Variants in CAB39 observed in about 807,000 individuals in gnomAD.
CAB39 encodes the protein calcium-binding protein 39.
CAB39 carries 8 observed loss-of-function variants against 40.0 expected under a neutral mutation model. The observed-to-expected ratio is 0.20, with a 90% CI of 0.12 to 0.36. The LOEUF is 0.36. Ranked by LOEUF, CAB39 falls within the 10% of genes least tolerant of loss-of-function variation. The pLI is 1.00. For synonymous variants in CAB39, 156 were observed against 141.6 expected (o/e 1.10, Z -0.72); for missense variants, 270 against 401.1 (o/e 0.67, Z 2.79).
chr2:230,742,811 C>T (rs1694905945), intron 1 of CAB39, among the ~76,000 whole-genome samples: 3 of 152,094 alleles, frequency 2.0e-5, no homozygotes, highest in Non-Finnish European at 4.4e-5. Flanking sequence ...TCTGGCAAAT[C>T]GGAAAGGTTA....
intron 2 of CAB39, among the ~76,000 whole-genome samples, chr2:230,762,178 G>C (rs569194154): frequency 6.6e-6 from 1 of 152,220 alleles, no homozygotes; most frequent in South Asian, 2.1e-4. Context: ...AAAGTGCTGG[G>C]ATTACAGGTG....
At chr2:230,761,422 T>A (rs1695288727) in intron 2 of CAB39, among the ~76,000 whole-genome samples, 1 of 151,978 alleles carries the variant, frequency 6.6e-6, no homozygotes. Context: ...CAGGCTGGAG[T>A]GTGATGGTAC....
In CAB39 at chr2:230,718,996, A is replaced by G. The variant is rs942837997; in HGVS notation, c.-44+5766A>G. 2.0e-5 allele frequency among the ~76,000 whole-genome samples: 3 copies of G among 152,180 alleles called. No homozygotes were observed. In the East Asian group the frequency reaches 5.8e-4, roughly 29 times the overall value. The stretch of plus-strand genomic sequence containing the variant: ...TTTGGACCTTTTCACTAACATTTAC[A>G]AAGGTTGTATTCAAAATATATTAAA... On this transcript the variant is annotated intron_variant, in intron 1 of 8. Transcript: ENST00000258418.
chr2:230,753,008 A>G (rs748640997), intron 1 of CAB39, among the ~76,000 whole-genome samples: 1 of 152,174 alleles, frequency 6.6e-6, no homozygotes, highest in African/African-American at 2.4e-5. Context: ...GAAACCATAG[A>G]TGAGATCACC....
At chr2:230,729,743 G>GAA (rs74770314) in intron 1 of CAB39, among the ~76,000 whole-genome samples, 7 of 126,188 alleles carry the variant, frequency 5.5e-5, no homozygotes, top group Admixed American at 7.9e-5. Context: ...CTGTCTTAAG[G>GAA]AAAAAAAAAA....
At chr2:230,754,379 CTCTTCCCCT>C (rs1167165643) in intron 1 of CAB39, among the ~76,000 whole-genome samples, 10 of 141,402 alleles carry the variant, frequency 7.1e-5, no homozygotes, top group South Asian at 2.2e-4. Flanking sequence ...TTCTGCCTTC[CTCTTCCCCT>C]CCTTCTTCCC....
At chr2:230,810,747 T>TACTGCTCA (rs1233510987) in intron 6 of CAB39, among the ~76,000 whole-genome samples, 3 of 152,246 alleles carry the variant, frequency 2.0e-5, no homozygotes, top group Non-Finnish European at 4.4e-5. Flanking sequence ...GCTCCTGCTC[T>TACTGCTCA]ACTGCTCACT....
chr2:230,718,309 TACAGTGTACTGACTATTA>T (rs1306327221), intron 1 of CAB39, among the ~76,000 whole-genome samples: 1 of 152,262 alleles, frequency 6.6e-6, no homozygotes, highest in African/African-American at 2.4e-5. Context: ...ACTTGCTCTT[TACAGTGTACTGACTATTA>T]ACATGCTAGT....
intron 2 of CAB39, among the ~76,000 whole-genome samples, chr2:230,786,671 CA>C (rs1401729592): frequency 1.3e-5 from 2 of 152,078 alleles, no homozygotes; most frequent in Non-Finnish European, 2.9e-5. Flanking sequence ...TTGATCTAAC[CA>C]GAGAAGCAAA....
intron 1 of CAB39, among the ~76,000 whole-genome samples, chr2:230,751,749 A>G (rs371704504): frequency 1.3e-5 from 2 of 152,160 alleles, no homozygotes; most frequent in African/African-American, 2.4e-5. Context: ...TTCTAGTGTC[A>G]TCTGGTCTCC....
At chr2:230,790,083 G>T (rs924494637) in intron 2 of CAB39, among the ~76,000 whole-genome samples, 2 of 152,080 alleles carry the variant, frequency 1.3e-5, no homozygotes, top group Non-Finnish European at 2.9e-5. Flanking sequence ...AATCGGCCTG[G>T]CATGGTGGCA....
chr2:230,713,516 C>G (rs1219867586), intron 1 of CAB39: 1 of 152,526 alleles, frequency 6.6e-6, no homozygotes, highest in African/African-American at 2.4e-5. Context: ...GGTTCTCTGG[C>G]GGGGCTGGCG....
chr2:230,801,679 C>T (rs1696092327), intron 5 of CAB39, among the ~76,000 whole-genome samples: 1 of 152,042 alleles, frequency 6.6e-6, no homozygotes, highest in African/African-American at 2.4e-5. Flanking sequence ...TGAGACCAGC[C>T]TGGCCAACAT....
At chr2:230,812,327 A>G (rs1696320200) in intron 6 of CAB39, among the ~76,000 whole-genome samples, 1 of 152,208 alleles carries the variant, frequency 6.6e-6, no homozygotes, top group Non-Finnish European at 1.5e-5. Context: ...GTTCCCTGAA[A>G]GCAAGTCTTT....
At chr2:230,724,244 CAAA>C (rs60084225) in intron 1 of CAB39, among the ~76,000 whole-genome samples, 5 of 101,156 alleles carry the variant, frequency 4.9e-5, no homozygotes, top group Admixed American at 1.1e-4. Context: ...AAGACTGTCT[CAAA>C]AAAAAAAAAA....
rs1160253213 is a variant in CAB39 at position 230,813,978 on chromosome 2, C to CTT, written c.628-38_628-37dup. 2.4e-3 allele frequency: 272 copies of CTT among 113,108 alleles called. 48 individuals are homozygous for CTT. Among genetic ancestry groups the CTT allele is most frequent in the East Asian group, 5.5e-3 (16 of 2,924 alleles). The allele number at this position is 113,108 out of a possible 1,614,324, so 7.0% of individuals were successfully genotyped here. A position where few individuals can be genotyped will look rare whatever the true frequency, so the allele number is the denominator to read the frequency against. ...CTAATTTACAATGTTACCTACCAGT[C>CTT]TTTTTTTTTTTTTTTTTTTTTTTTT... On this transcript the variant is annotated intron_variant, in intron 6 of 8. Transcript: ENST00000258418.
At chr2:230,792,398 G>A (rs1695907217) in intron 3 of CAB39, among the ~76,000 whole-genome samples, 1 of 152,196 alleles carries the variant, frequency 6.6e-6, no homozygotes, top group African/African-American at 2.4e-5. Context: ...TCCTGAGCTA[G>A]TGCGGGGCCC....
chr2:230,736,739 T>G (rs771071871), intron 1 of CAB39, among the ~76,000 whole-genome samples: 2 of 152,198 alleles, frequency 1.3e-5, no homozygotes, highest in Non-Finnish European at 2.9e-5. Flanking sequence ...AACTTGACCC[T>G]TCTCTGATCT....
At chr2:230,800,081 G>A (rs181973687) in intron 5 of CAB39, among the ~76,000 whole-genome samples, 2 of 151,878 alleles carry the variant, frequency 1.3e-5, no homozygotes, top group African/African-American at 4.8e-5. Context: ...CTGATATGCA[G>A]ACGACCATGC....
Sources: gnomAD v4.1 joint callset for allele counts (sites outside exome capture counted in the v4.1 genomes callset) on GRCh38, gnomAD v4.1.1 for gene constraint, MANE v1.5 for transcripts, NCBI Gene and HGNC (gene_info 2026-07-23, HGNC 2026-07-21) for gene names.